Variants in MYH11 observed in about 807,000 individuals in gnomAD.
The protein encoded by MYH11 is myosin heavy chain 11.
Under a neutral mutation model 246.6 loss-of-function variants are expected in MYH11, and 80 were observed. The ratio of observed to expected loss-of-function variants is 0.32; its 90% CI spans 0.27 to 0.39. MYH11 has a LOEUF of 0.39. MYH11 is among the 10% of genes least tolerant of loss of function. The pLI is 1.00. For missense variants in MYH11, 2,158 were observed against 2,546.8 expected (o/e 0.85, Z 3.29); for synonymous variants, 1,071 against 1,015.5 (o/e 1.05, Z -1.04).
At chr16:15,847,460 C>G (rs2044224840) in intron 1 of MYH11, among the ~76,000 whole-genome samples, 1 of 151,992 alleles carries the variant, frequency 6.6e-6, no homozygotes, top group Non-Finnish European at 1.5e-5. Context: ...CCATGTTGTC[C>G]AGGCTGAGGT....
At chr16:15,715,825 T>A (rs2040098937) in intron 38 of MYH11, among the ~76,000 whole-genome samples, 1 of 152,118 alleles carries the variant, frequency 6.6e-6, no homozygotes. Context: ...TAAAAGTTTT[T>A]CATAGAAACG....
intron 40 of MYH11, among the ~76,000 whole-genome samples, chr16:15,710,581 TG>T (rs1199936100): frequency 6.6e-6 from 1 of 151,600 alleles, no homozygotes; most frequent in Non-Finnish European, 1.5e-5. Context: ...GAGACAGCAG[TG>T]GGGTAGGGAG....
At chr16:15,787,460 A>C (rs1396017041) in intron 4 of MYH11, among the ~76,000 whole-genome samples, 1 of 147,662 alleles carries the variant, frequency 6.8e-6, no homozygotes, top group East Asian at 2.0e-4. Flanking sequence ...AGGTCCAAAC[A>C]GGTTTATTTG....
intron 3 of MYH11, among the ~76,000 whole-genome samples, chr16:15,808,498 G>A (rs2043065157): frequency 6.6e-6 from 1 of 152,134 alleles, no homozygotes; most frequent in Non-Finnish European, 1.5e-5. Context: ...TACTCTCCCG[G>A]CAGAGTTGGT....
At chr16:15,764,115 GC>G (rs1166732868) in intron 9 of MYH11, among the ~76,000 whole-genome samples, 1 of 152,132 alleles carries the variant, frequency 6.6e-6, no homozygotes, top group Non-Finnish European at 1.5e-5. Context: ...ACCAAATCTG[GC>G]CCACTGCTTG....
intron 1 of MYH11, among the ~76,000 whole-genome samples, chr16:15,841,690 C>T (rs1454378055): frequency 3.3e-5 from 5 of 152,282 alleles, no homozygotes; most frequent in East Asian, 3.9e-4. Flanking sequence ...TAGGCCTGTC[C>T]GGCCCCCCGT....
At chr16:15,712,467 G>A (rs2039858791) in intron 40 of MYH11, among the ~76,000 whole-genome samples, 1 of 152,106 alleles carries the variant, frequency 6.6e-6, no homozygotes, top group South Asian at 2.1e-4. Flanking sequence ...GGGCAACATG[G>A]TGCAACCCCA....
At chr16:15,706,126 C>T (rs1043624327) in intron 40 of MYH11, among the ~76,000 whole-genome samples, 9 of 152,104 alleles carry the variant, frequency 5.9e-5, no homozygotes, top group African/African-American at 1.7e-4. Flanking sequence ...TGGGACTTCC[C>T]GCAGTGCAGC....
At chr16:15,843,526 TA>T (rs34718696) in intron 1 of MYH11, among the ~76,000 whole-genome samples, 2,866 of 127,722 alleles carry the variant, frequency 0.022, 59 homozygotes, top group African/African-American at 0.058. Context: ...CTGTCTCTAC[TA>T]AAAAAAAAAA....
intron 25 of MYH11, among the ~76,000 whole-genome samples, chr16:15,736,264 G>A (rs1166965066): frequency 6.6e-6 from 1 of 152,120 alleles, no homozygotes; most frequent in South Asian, 2.1e-4. Flanking sequence ...AGCCAGTGAA[G>A]TTAGGTTTTT....
At chr16:15,800,068 A>T (rs2042844990) in intron 3 of MYH11, among the ~76,000 whole-genome samples, 1 of 151,058 alleles carries the variant, frequency 6.6e-6, no homozygotes, top group African/African-American at 2.4e-5. Context: ...GGGAGGGTGG[A>T]TAAGCAGATG....
At chr16:15,807,275 A>G (rs919763988) in intron 3 of MYH11, among the ~76,000 whole-genome samples, 1 of 152,106 alleles carries the variant, frequency 6.6e-6, no homozygotes, top group Non-Finnish European at 1.5e-5. Context: ...TCACAGGCTC[A>G]AGCCAATGCA....
At chr16:15,841,939 T>G (rs1158622994) in intron 1 of MYH11, among the ~76,000 whole-genome samples, 1 of 152,186 alleles carries the variant, frequency 6.6e-6, no homozygotes, top group African/African-American at 2.4e-5. Context: ...TAAAGACCCA[T>G]GTCCCACTCC....
chr16:15,717,074 TTCACTATGAC>T, intron 38 of MYH11, 56 bp downstream of exon 38: 1 of 1,549,022 alleles, frequency 6.5e-7, no homozygotes, highest in Non-Finnish European at 8.9e-7. Flanking sequence ...GTTCCCTGAC[TTCACTATGAC>T]TCCTGCTGTC....
At chr16:15,706,189 C>T (rs1484648955) in intron 40 of MYH11, among the ~76,000 whole-genome samples, 1 of 152,106 alleles carries the variant, frequency 6.6e-6, no homozygotes, top group Non-Finnish European at 1.5e-5. Context: ...ACACTCCTAG[C>T]CCAGCTTCAC....
In MYH11 at chr16:15,715,065, G is replaced by A. The variant is rs1445234698; in HGVS notation, c.5630C>T (p.Ala1877Val). ...QYKEQAEKGN[A>V]RVKQLKRQLE... ...CTGCCTCTTGAGCTGCTTGACCCTG[G>A]CATTGCCTTTCTCTGCCTGTCGCGG... Residue 1877 changes from alanine to valine, a missense_variant, in exon 40 of 41, where the codon GCC (alanine) becomes GTC (valine). Physicochemically the swap from Ala to Val is moderately conservative, Grantham distance 64 (BLOSUM62 0). Transcript: ENST00000300036. 1.2e-6 allele frequency: 2 copies of A among 1,613,250 alleles called. No homozygotes were observed. Among genetic ancestry groups the A allele is most frequent in the East Asian group, 4.5e-5 (2 of 44,864 alleles).
intron 3 of MYH11, among the ~76,000 whole-genome samples, chr16:15,817,830 G>C (rs762339484): frequency 3.3e-5 from 5 of 152,092 alleles, no homozygotes; most frequent in African/African-American, 7.2e-5. Flanking sequence ...TTCTTGGCTA[G>C]AAAGCCATCC....
chr16:15,737,850 T>C (rs2041165956), intron 24 of MYH11, among the ~76,000 whole-genome samples: 1 of 152,164 alleles, frequency 6.6e-6, no homozygotes, highest in South Asian at 2.1e-4. Context: ...TGGAGTGCAG[T>C]GGCGCAATCT....
At chr16:15,725,351 C>T (rs1050797207) in intron 28 of MYH11, 27 of 556,994 alleles carry the variant, frequency 4.8e-5, no homozygotes, top group African/African-American at 2.3e-4. Flanking sequence ...AGAGTCCAGA[C>T]GAGGTGCTCT....
Sources: gnomAD v4.1 joint callset for allele counts (sites outside exome capture counted in the v4.1 genomes callset) on GRCh38, gnomAD v4.1.1 for gene constraint, MANE v1.5 for transcripts, NCBI Gene and HGNC (gene_info 2026-07-23, HGNC 2026-07-21) for gene names.